Variants in FOXI3 observed in about 807,000 individuals in gnomAD.
The protein encoded by FOXI3 is forkhead box I3.
Under a neutral mutation model 15.6 loss-of-function variants are expected in FOXI3, and 4 were observed. That is an observed-to-expected ratio of 0.26 (90% CI 0.13 to 0.59). The LOEUF is 0.59. Among genes scored for constraint, FOXI3 ranks in the 20% least tolerant of loss-of-function variants. FOXI3 has a pLI of 0.90. For missense variants in FOXI3, 489 were observed against 548.2 expected (o/e 0.89, Z 1.08); for synonymous variants, 238 against 244.4 (o/e 0.97, Z 0.25).
Position 88,451,972 on chromosome 2 carries a change from G to A in FOXI3, c.564C>T (p.Gly188=). ...SFPFYQRSKA[G]WQNSIRHNLS... is the part of the protein sequence containing the mutation. The stretch of plus-strand genomic sequence containing the variant: ...GGTTGTGGCGGATGGAGTTCTGCCA[G>A]CCGGCCTTGCTGCGCTGGTAGAAGG... Residue 188 remains glycine (G), a synonymous_variant, in exon 1 of 2, where the codon GGC becomes GGT. Coordinates refer to ENST00000428390, the MANE Select transcript of FOXI3 (RefSeq NM_001135649.3). The A allele has an allele frequency of 6.2e-7, 1 of 1,612,456 alleles. No homozygotes were observed. The highest frequency in any genetic ancestry group is 8.5e-7 in the Non-Finnish European group (1 of 1,179,322).
chr2:88,449,210 G>A (rs576749263), intron 1 of FOXI3, among the ~76,000 whole-genome samples: 63 of 148,858 alleles, frequency 4.2e-4, no homozygotes, highest in African/African-American at 1.5e-3. Flanking sequence ...CCAACATAGT[G>A]AGATCTCGTG....
chr2:88,448,556 A>C lies in FOXI3; in HGVS notation c.914T>G (p.Met305Arg), dbSNP rs1675988253. Residue 305 changes from methionine (M) to arginine (R), a missense_variant, in exon 2 of 2, where the codon ATG becomes AGG. Physicochemically the swap from Met to Arg is moderately conservative, Grantham distance 91 (BLOSUM62 -1). This residue lies in a region of FOXI3 where 263 missense variants were observed against 285.5 expected (regional missense o/e 0.92). Coordinates refer to ENST00000428390, the MANE Select transcript of FOXI3 (RefSeq NM_001135649.3). ...GTTGAGACAAGGGGTGGAGGTGAGC[A>C]TGGGTCCTCCAGGAGATGAGGCAGT... ...KSTASSPGGP[M>R]LTSTPCLNTF... 1.9e-6 allele frequency: 3 copies of C among 1,551,576 alleles called. No individual in the cohort carries two copies. The highest frequency in any genetic ancestry group is 2.6e-6 in the Non-Finnish European group (3 of 1,146,988).
intron 1 of FOXI3, 42 bp from the exon 2 acceptor site, chr2:88,448,871 A>T (rs4972212): frequency 0.46 from 691,342 of 1,513,428 alleles, 162,273 homozygotes; most frequent in African/African-American, 0.71. Context: ...GGACCTATTC[A>T]ATGCCTGTGT....
chr2:88,452,630 C>A lies in FOXI3; in HGVS notation c.-95G>T. On this transcript the variant is annotated 5_prime_UTR_variant, in exon 1 of 2. Transcript: ENST00000428390. ...CGAGAGCATCCCTTTGGGGGCCAAC[C>A]CTGCGGCTCCGCCTTCACCCGCGCT... 2.5e-6 allele frequency: 2 copies of A among 793,038 alleles called. No homozygotes were observed. The highest frequency in any genetic ancestry group is 1.6e-6 in the Non-Finnish European group (1 of 642,940). The allele number at this position is 793,038 out of a possible 1,614,324, so 49.1% of individuals were successfully genotyped here. A position where few individuals can be genotyped will look rare whatever the true frequency, so the allele number is the denominator to read the frequency against.
At chr2:88,449,183 T>C (rs1000990640) in intron 1 of FOXI3, among the ~76,000 whole-genome samples, 2 of 151,830 alleles carry the variant, frequency 1.3e-5, no homozygotes, top group African/African-American at 2.4e-5. Flanking sequence ...CTACTTAAAG[T>C]TGAGCGTTAG....
rs1675962691 is a variant in FOXI3, at chr2:88,447,747, T to G, written c.*460A>C. On this transcript the variant is annotated 3_prime_UTR_variant, in exon 2 of 2. Transcript: ENST00000428390. ...CTGCCAGAGGAGAGAAAGAACCAGC[T>G]GTTCCCAGCAGCCTTCTACTAGTCA... 6.0e-6 allele frequency: 1 copy of G among 166,242 alleles called. No homozygotes were observed. Among genetic ancestry groups the G allele is most frequent in the Admixed American group, 5.5e-5 (1 of 18,224 alleles). 10.3% of individuals were successfully genotyped at this position (166,242 alleles called of 1,614,324 possible).
chr2:88,448,598 G>A lies in FOXI3; in HGVS notation c.872C>T (p.Pro291Leu), dbSNP rs779671232. ...LLRPSHSPEP[P>L]EGTKSTASSP... ...TGAGGCAGTACTCTTGGTGCCCTCC[G>A]GAGGCTCTGGGGAGTGGGAAGGCCT... Residue 291 changes from proline (P) to leucine (L), a missense_variant, in exon 2 of 2, where the codon CCG becomes CTG. Transcript: ENST00000428390. 21 of 1,551,460 alleles carry A rather than the reference G, an allele frequency of 1.4e-5. No homozygotes were observed. In the East Asian group the frequency reaches 2.0e-4, roughly 14 times the overall value.
intron 1 of FOXI3, among the ~76,000 whole-genome samples, chr2:88,451,175 G>A (rs1256540846): frequency 1.3e-5 from 2 of 152,166 alleles, no homozygotes; most frequent in African/African-American, 4.8e-5. Context: ...TCTCAGAGAA[G>A]GTTAACACTC....
chr2:88,449,952 T>A (rs1046048519), intron 1 of FOXI3, among the ~76,000 whole-genome samples: 31 of 150,452 alleles, frequency 2.1e-4, no homozygotes, highest in African/African-American at 6.1e-4. Context: ...ACTCAGCATT[T>A]AAAAAAAAAA....
At position 88,447,819 on chromosome 2, in the gene FOXI3, T is replaced by C; in HGVS notation, c.*388A>G. On this transcript the variant is annotated 3_prime_UTR_variant, in exon 2 of 2. Transcript: ENST00000428390. ...TTCAGTTGCCAACTGATGTTAGTTT[T>C]CTCACCCAGTAACTTCGTTGGCTTG... The C allele has an allele frequency of 4.8e-6, 1 of 208,486 alleles. No individual in the cohort carries two copies. Among genetic ancestry groups the C allele is most frequent in the Non-Finnish European group, 9.8e-6 (1 of 101,814 alleles). 12.9% of individuals were successfully genotyped at this position (208,486 alleles called of 1,614,324 possible). A position where few individuals can be genotyped will look rare whatever the true frequency, so the allele number is the denominator to read the frequency against.
In FOXI3 at chr2:88,452,555, T is replaced by C; in HGVS notation, c.-20A>G. On this transcript the variant is annotated 5_prime_UTR_variant, in exon 1 of 2. Transcript: ENST00000428390. Reference sequence around the variant, plus strand: ...GGCCATGTCGGCGGCCGTGGGCGGCTGCGGCGCGGCCGCGGCGAGGGGCGA... The same window carrying C: ...GGCCATGTCGGCGGCCGTGGGCGGCCGCGGCGCGGCCGCGGCGAGGGGCGA... The C allele has an allele frequency of 3.7e-6, 4 of 1,077,490 alleles. No homozygotes were observed. The highest frequency in any genetic ancestry group is 3.4e-6 in the Non-Finnish European group (3 of 889,760). 66.7% of individuals were successfully genotyped at this position (1,077,490 alleles called of 1,614,324 possible). A position where few individuals can be genotyped will look rare whatever the true frequency, so the allele number is the denominator to read the frequency against.
At chr2:88,449,185 G>A (rs1032011206) in intron 1 of FOXI3, among the ~76,000 whole-genome samples, 19 of 150,374 alleles carry the variant, frequency 1.3e-4, no homozygotes, top group Non-Finnish European at 2.8e-4. Flanking sequence ...ACTTAAAGTT[G>A]AGCGTTAGAC....
Position 88,448,768 on chromosome 2 carries a change from G to C in FOXI3, c.702C>G (p.Phe234Leu), listed in dbSNP as rs955268781. The part of the protein sequence containing the change: ...NCEKMFDNGN[F>L]RRKRKRRSEA... The stretch of plus-strand genomic sequence containing the variant: ...CAGAGCGGCGCTTTCGCTTCCGACG[G>C]AAGTTCCCATTGTCAAACATTTTCT... Residue 234 changes from phenylalanine (F) to leucine (L), a missense_variant, in exon 2 of 2, where the codon TTC becomes TTG. This residue lies in a region of FOXI3 where 263 missense variants were observed against 285.5 expected (regional missense o/e 0.92). Coordinates refer to ENST00000428390, the MANE Select transcript of FOXI3 (RefSeq NM_001135649.3). 1.3e-6 allele frequency: 2 copies of C among 1,551,700 alleles called. No homozygotes were observed. The highest frequency in any genetic ancestry group is 2.7e-5 in the African/African-American group (2 of 73,044).
At position 88,448,771 on chromosome 2, in the gene FOXI3, G is replaced by A; in HGVS notation, c.699C>T (p.Asn233=). 1 of 1,551,816 alleles carries A rather than the reference G, an allele frequency of 6.4e-7. No homozygotes were observed. The highest frequency in any genetic ancestry group is 8.7e-7 in the Non-Finnish European group (1 of 1,147,008). The change falls in exon 2 of 2, where the codon AAC becomes AAT. Residue 233 remains asparagine (N), a synonymous_variant. Transcript: ENST00000428390. ...AGCGGCGCTTTCGCTTCCGACGGAA[G>A]TTCCCATTGTCAAACATTTTCTCGC... ...PNCEKMFDNG[N]FRRKRKRRSE... is the part of the protein sequence containing the mutation.
At chr2:88,451,857 G>A in intron 1 of FOXI3, 39 bp downstream of exon 1, 1 of 1,593,838 alleles carries the variant, frequency 6.3e-7, no homozygotes, top group Non-Finnish European at 8.5e-7. Context: ...ACCCGCGTCC[G>A]CCCTCCCCGG....
Position 88,451,898 on chromosome 2 carries a change from G to A in FOXI3, c.638C>T (p.Pro213Leu). 1 of 1,612,942 alleles carries A rather than the reference G, an allele frequency of 6.2e-7. No individual in the cohort carries two copies. Among genetic ancestry groups the A allele is most frequent in the Non-Finnish European group, 8.5e-7 (1 of 1,179,516 alleles). ...FKKVPRDEDDPGKGNYWTLDP... is the reference protein window; with the variant it reads ...FKKVPRDEDDLGKGNYWTLDP... The stretch of plus-strand genomic sequence containing the variant: ...AAGCACCTGCCAGCGGCCCTCACCT[G>A]GGTCGTCCTCGTCGCGGGGCACCTT... The change falls in exon 1 of 2, where the codon CCA (proline) becomes CTA (leucine). Residue 213 changes from proline to leucine, a missense_variant and splice_region_variant. Transcript: ENST00000428390.
rs143925742 is a variant in FOXI3, at chr2:88,450,210, C to A, written c.641-1381G>T. On this transcript the variant is annotated intron_variant, in intron 1 of 1. Transcript: ENST00000428390. Reference sequence around the variant, plus strand: ...CTTTGGGAGGCCGAAACGGGTGGGTCACTTGAAGCTTAGCAGTTCGAGACC... The same window carrying A: ...CTTTGGGAGGCCGAAACGGGTGGGTAACTTGAAGCTTAGCAGTTCGAGACC... Among the ~76,000 whole-genome samples the A allele has an allele frequency of 3.6e-3, 542 of 152,178 alleles. 4 individuals are homozygous for A. Among genetic ancestry groups the A allele is most frequent in the African/African-American group, 0.012 (483 of 41,524 alleles).
chr2:88,448,466 G>C lies in FOXI3; in HGVS notation c.1004C>G (p.Pro335Arg). The stretch of plus-strand genomic sequence containing the variant: ...CTGGATCCCTAGGTGGCGGCTGCCA[G>C]GGAGAGCCCGCTGGGTACTCACACT... ...SSSVSTQRAL[P>R]GSRHLGIQGA... Residue 335 changes from proline (P) to arginine (R), a missense_variant, in exon 2 of 2, where the codon CCT becomes CGT. Coordinates refer to ENST00000428390, the MANE Select transcript of FOXI3 (RefSeq NM_001135649.3). 2 of 1,551,732 alleles carry C rather than the reference G, an allele frequency of 1.3e-6. No homozygotes were observed. The highest frequency in any genetic ancestry group is 8.7e-7 in the Non-Finnish European group (1 of 1,147,000).
chr2:88,446,858 T>C lies in FOXI3; in HGVS notation c.*1349A>G, dbSNP rs1001915281. The C allele has an allele frequency of 1.3e-5, 2 of 152,170 alleles. No individual in the cohort carries two copies. The highest frequency in any genetic ancestry group is 2.9e-5 in the Non-Finnish European group (2 of 68,040). The allele number at this position is 152,170 out of a possible 1,614,324, so 9.4% of individuals were successfully genotyped here. A position where few individuals can be genotyped will look rare whatever the true frequency, so the allele number is the denominator to read the frequency against. On this transcript the variant is annotated 3_prime_UTR_variant, in exon 2 of 2. Transcript: ENST00000428390. The stretch of plus-strand genomic sequence containing the variant: ...ATGAGATCTAGCTCCATTCCTTCCC[T>C]CTATATACTTATAACTGGCTATGGA...
Sources: allele counts gnomAD v4.1 joint callset (sites outside exome capture counted in the v4.1 genomes callset), GRCh38; gene constraint gnomAD v4.1.1; regional missense constraint gnomAD v4.1.1; transcripts MANE v1.5; gene names NCBI Gene and HGNC (gene_info 2026-07-23, HGNC 2026-07-21).